RGS10: variants seen among roughly 807,000 people sequenced by gnomAD.
RGS10 encodes the protein regulator of G protein signaling 10.
In RGS10, 11 loss-of-function variants were observed where a neutral mutation model predicts 23.5. The ratio of observed to expected loss-of-function variants is 0.47; its 90% CI spans 0.29 to 0.77. The LOEUF is 0.77. Ranked by LOEUF, RGS10 falls within the 30% of genes least tolerant of loss-of-function variation. RGS10 has a pLI of 0.08. For missense variants in RGS10, 180 were observed against 226.3 expected (o/e 0.80, Z 1.31); for synonymous variants, 77 against 83.2 (o/e 0.92, Z 0.41).
intron 1 of RGS10, among the ~76,000 whole-genome samples, chr10:119,535,028 C>T (rs775875330): frequency 1.6e-4 from 24 of 152,188 alleles, no homozygotes; most frequent in Middle Eastern, 3.4e-3. Context: ...ACTTTGCAGA[C>T]GAAGAAACTG....
intron 4 of RGS10, among the ~76,000 whole-genome samples, chr10:119,503,350 A>AAAAAG (rs1436172887): frequency 1.5e-4 from 23 of 151,988 alleles, no homozygotes; most frequent in African/African-American, 4.1e-4. Flanking sequence ...AAAAAAAAAA[A>AAAAAG]AAAAAGAGAA....
At chr10:119,513,303 T>C (rs1408765164) in intron 4 of RGS10, among the ~76,000 whole-genome samples, 1 of 151,514 alleles carries the variant, frequency 6.6e-6, no homozygotes, top group Non-Finnish European at 1.5e-5. Context: ...ACAAAAAAAA[T>C]ACAAAAATTA....
intron 3 of RGS10, among the ~76,000 whole-genome samples, chr10:119,522,649 C>T (rs1436935451): frequency 2.7e-5 from 4 of 146,748 alleles, no homozygotes; most frequent in African/African-American, 5.1e-5. Flanking sequence ...ACCCGGGAGG[C>T]GGAGATTGCA....
chr10:119,535,675 C>T (rs1027296446), intron 1 of RGS10, among the ~76,000 whole-genome samples: 2 of 152,206 alleles, frequency 1.3e-5, no homozygotes, highest in African/African-American at 4.8e-5. Flanking sequence ...AGTAATATCT[C>T]ACTATCCAGT....
chr10:119,540,381 G>C (rs1300458125), intron 1 of RGS10, among the ~76,000 whole-genome samples: 1 of 152,180 alleles, frequency 6.6e-6, no homozygotes, highest in Non-Finnish European at 1.5e-5. Flanking sequence ...CGTCTAAGGA[G>C]CTGGGACTAC....
At position 119,506,533 on chromosome 10, in the gene RGS10, G is replaced by A. The variant is rs76429136; in HGVS notation, c.400-6274C>T. On this transcript the variant is annotated intron_variant, in intron 4 of 4. Transcript: ENST00000369103. ...CGTGTGGCGGTCACACGTGTGGAGC[G>A]GATTGTCCGCTTTTTTCTACCGTCC... Among the ~76,000 whole-genome samples the A allele has an allele frequency of 3.5e-3, 528 of 152,304 alleles. 5 individuals are homozygous for A. Among genetic ancestry groups the A allele is most frequent in the African/African-American group, 0.012 (494 of 41,568 alleles).
chr10:119,500,465 A>T (rs553822281), intron 4 of RGS10, among the ~76,000 whole-genome samples: 2 of 152,290 alleles, frequency 1.3e-5, no homozygotes, highest in East Asian at 3.9e-4. Context: ...TCAATGGAAT[A>T]TATAGACAGT....
rs1844240561 is a variant in RGS10, at chr10:119,523,401, ACACCTGTAATCC to A, written c.255+2619_255+2630del. Among the ~76,000 whole-genome samples the A allele has an allele frequency of 5.3e-5, 8 of 152,356 alleles. No homozygotes were observed. In the South Asian group the frequency reaches 1.7e-3, roughly 32 times the overall value. Reference sequence around the variant, plus strand: ...TATGCTGGGCCGAGTACAGTGGCTCACACCTGTAATCCCAGCACTTTGGAAGGCCAAGACAGG... The same window carrying A: ...TATGCTGGGCCGAGTACAGTGGCTCACAGCACTTTGGAAGGCCAAGACAGG... On this transcript the variant is annotated intron_variant, in intron 3 of 4. Coordinates refer to ENST00000369103, the MANE Select transcript of RGS10 (RefSeq NM_001005339.2).
intron 4 of RGS10, among the ~76,000 whole-genome samples, chr10:119,503,011 G>C (rs1047244200): frequency 1.3e-5 from 2 of 152,126 alleles, no homozygotes; most frequent in African/African-American, 4.8e-5. Flanking sequence ...CGACCCCCTG[G>C]GCCTGGCTCA....
intron 3 of RGS10, among the ~76,000 whole-genome samples, chr10:119,520,645 C>G (rs1303445545): frequency 6.6e-6 from 1 of 152,004 alleles, no homozygotes; most frequent in Non-Finnish European, 1.5e-5. Flanking sequence ...CCCCCCGCGC[C>G]AGCAAAATTC....
In RGS10 at chr10:119,499,883, G is replaced by A; in HGVS notation, c.*230C>T. ...AATGCTCGACGTGTCCAGTGTTGAAGGAATCTCTGTTTTGTAAACTAAAAC... is the reference window on the plus strand; with the variant it reads ...AATGCTCGACGTGTCCAGTGTTGAAAGAATCTCTGTTTTGTAAACTAAAAC... On this transcript the variant is annotated 3_prime_UTR_variant, in exon 5 of 5. Transcript: ENST00000369103. 4.2e-6 allele frequency: 2 copies of A among 475,338 alleles called. No individual in the cohort carries two copies. Among genetic ancestry groups the A allele is most frequent in the Non-Finnish European group, 7.4e-6 (2 of 269,970 alleles). The allele number at this position is 475,338 out of a possible 1,614,324, so 29.4% of individuals were successfully genotyped here.
At chr10:119,502,442 C>G (rs895938824) in intron 4 of RGS10, among the ~76,000 whole-genome samples, 1 of 152,230 alleles carries the variant, frequency 6.6e-6, no homozygotes, top group Non-Finnish European at 1.5e-5. Context: ...GCAGATGGGA[C>G]CCACCACTCT....
chr10:119,508,950 A>G (rs1231253392), intron 4 of RGS10, among the ~76,000 whole-genome samples: 1 of 151,926 alleles, frequency 6.6e-6, no homozygotes, highest in Non-Finnish European at 1.5e-5. Flanking sequence ...ATATTTTAAA[A>G]ATTAGCCAAG....
At chr10:119,525,908 A>C in intron 3 of RGS10, 124 bp downstream of exon 3, 1 of 525,522 alleles carries the variant, frequency 1.9e-6, no homozygotes, top group East Asian at 2.9e-5. Flanking sequence ...AAGATACCTA[A>C]TCTGAAGCTT....
rs1844288343 is a variant in RGS10, at chr10:119,527,424, T to C, written c.50A>G (p.Asp17Gly). The change falls in exon 2 of 5, where the codon GAC (aspartate) becomes GGC (glycine). Residue 17 changes from aspartate to glycine, a missense_variant and splice_region_variant. By Grantham distance (94) the Asp-to-Gly change is moderately conservative (BLOSUM62 -1). Coordinates refer to ENST00000369103, the MANE Select transcript of RGS10 (RefSeq NM_001005339.2). The surrounding 1 kb of genome is among the most constrained non-coding windows in gnomAD (Gnocchi z 4.2). ...SRLSRKRPPSDIHDSDGSSSS... is the reference protein window; with the variant it reads ...SRLSRKRPPSGIHDSDGSSSS... Reference sequence around the variant, plus strand: ...GGAACTGCCATCGCTGTCGTGGATGTCTGCAAAGCAAAGTTCAGACTGCAT... The same window carrying C: ...GGAACTGCCATCGCTGTCGTGGATGCCTGCAAAGCAAAGTTCAGACTGCAT... The C allele has an allele frequency of 1.2e-6, 2 of 1,613,240 alleles. No homozygotes were observed. The highest frequency in any genetic ancestry group is 2.2e-5 in the East Asian group (1 of 44,880).
rs1191431583 is a variant in RGS10 at position 119,526,228 on chromosome 10, G to C, written c.169-110C>G. ...TTGGCAAAATTCAACAGAGGAGCAT[G>C]GTTCAGTTACTCTTCGAAAACCCCA... is the stretch of plus-strand genomic sequence containing the variant. On this transcript the variant is annotated intron_variant, in intron 2 of 4. Transcript: ENST00000369103. 7.3e-6 allele frequency: 4 copies of C among 545,426 alleles called. No homozygotes were observed. The African/African-American group carries it at 7.7e-5, about 11-fold the overall frequency. The allele number at this position is 545,426 out of a possible 1,614,324, so 33.8% of individuals were successfully genotyped here.
At chr10:119,534,149 G>A (rs1018936975) in intron 1 of RGS10, among the ~76,000 whole-genome samples, 2 of 151,812 alleles carry the variant, frequency 1.3e-5, no homozygotes, top group Non-Finnish European at 2.9e-5. Flanking sequence ...CCAGCTACAC[G>A]GGAGGCTGAG....
Position 119,499,952 on chromosome 10 carries a change from A to T in RGS10, c.*161T>A, listed in dbSNP as rs74616092. On this transcript the variant is annotated 3_prime_UTR_variant, in exon 5 of 5. Coordinates refer to ENST00000369103, the MANE Select transcript of RGS10 (RefSeq NM_001005339.2). ...CTTTTTTTATGTTAGCTTAGCCATC[A>T]TGCAAAATTTACTGGTGAAGCAGTT... 1,877 of 607,138 alleles carry T rather than the reference A, an allele frequency of 3.1e-3. 27 individuals carry two copies. In the African/African-American group the frequency reaches 0.031, roughly 10 times the overall value. The allele number at this position is 607,138 out of a possible 1,614,324, so 37.6% of individuals were successfully genotyped here.
At chr10:119,504,829 C>A (rs4752317) in intron 4 of RGS10, among the ~76,000 whole-genome samples, 130,766 of 152,052 alleles carry the variant, frequency 0.86, 56,610 homozygotes, top group Non-Finnish European at 0.9. Flanking sequence ...AAGTAAGCAC[C>A]CCCCACACCC....
Sources: allele counts gnomAD v4.1 joint callset (sites outside exome capture counted in the v4.1 genomes callset), GRCh38; gene constraint gnomAD v4.1.1; non-coding constraint Gnocchi (gnomAD v3.1); transcripts MANE v1.5; gene names NCBI Gene and HGNC (gene_info 2026-07-23, HGNC 2026-07-21).